WASF2: variants seen among roughly 807,000 people sequenced by gnomAD.
WASF2 encodes actin-binding protein WASF2.
A neutral mutation model predicts 45.0 loss-of-function variants in WASF2; 14 were observed. The ratio of observed to expected loss-of-function variants is 0.31; its 90% CI spans 0.21 to 0.49. WASF2 has a LOEUF of 0.49. WASF2 is among the 20% of genes least tolerant of loss of function. The probability of loss-of-function intolerance (pLI) is 0.99; values close to 1 mark genes in which losing one functional copy is unlikely to be tolerated. For missense variants in WASF2, 439 were observed against 636.1 expected (o/e 0.69, Z 3.33); for synonymous variants, 200 against 236.3 (o/e 0.85, Z 1.41).
intron 1 of WASF2, among the ~76,000 whole-genome samples, chr1:27,480,214 C>G (rs1405847853): frequency 2.0e-5 from 3 of 152,106 alleles, no homozygotes; most frequent in Non-Finnish European, 4.4e-5. Flanking sequence ...TAAGAGCAAA[C>G]TTTTTAAACT....
intron 1 of WASF2, among the ~76,000 whole-genome samples, chr1:27,441,611 G>A (rs145426538): frequency 0.031 from 4,690 of 152,106 alleles, 89 homozygotes; most frequent in Non-Finnish European, 0.048. Flanking sequence ...AAAATTAGCC[G>A]GGCGTGGTGG....
chr1:27,417,236 T>C (rs1163834522), intron 4 of WASF2, among the ~76,000 whole-genome samples: 1 of 152,212 alleles, frequency 6.6e-6, no homozygotes, highest in African/African-American at 2.4e-5. Flanking sequence ...ATATTATCAG[T>C]TGTATGACCC....
In WASF2 at chr1:27,466,329, T is replaced by C. The variant is rs553602724; in HGVS notation, c.-44+23657A>G. Reference sequence around the variant, plus strand: ...ATGAAATCATGGATCTAGGTAATCATCATCCATGACCACGTACAACAGAAA... The same window carrying C: ...ATGAAATCATGGATCTAGGTAATCACCATCCATGACCACGTACAACAGAAA... On this transcript the variant is annotated intron_variant, in intron 1 of 8. Transcript: ENST00000618852. 5.9e-5 allele frequency among the ~76,000 whole-genome samples: 9 copies of C among 152,322 alleles called. No homozygotes were observed. The East Asian group carries it at 1.7e-3, about 29-fold the overall frequency.
intron 3 of WASF2, 146 bp from the exon 4 acceptor site, chr1:27,418,568 G>GGAGGGAA: frequency 8.7e-7 from 1 of 1,146,012 alleles, no homozygotes; most frequent in Non-Finnish European, 1.2e-6. Context: ...CCCCTCTGGG[G>GGAGGGAA]AAGCCCCACA....
Position 27,487,950 on chromosome 1 carries a change from C to G in WASF2, c.-44+2036G>C, listed in dbSNP as rs557350919. On this transcript the variant is annotated intron_variant, in intron 1 of 8. Transcript: ENST00000618852. ...AAAATTATTTCATTCTAGAAGAAAA[C>G]TGAACAAATTACAATTGACTTTTTC... Among the ~76,000 whole-genome samples the G allele has an allele frequency of 1.1e-3, 164 of 151,318 alleles. 1 individual carries two copies. Among genetic ancestry groups the G allele is most frequent in the Non-Finnish European group, 1.9e-3 (132 of 67,946 alleles).
chr1:27,486,342 T>C (rs1243364022), intron 1 of WASF2, among the ~76,000 whole-genome samples: 1 of 152,182 alleles, frequency 6.6e-6, no homozygotes, highest in South Asian at 2.1e-4. Flanking sequence ...ACTTTTTTTT[T>C]GGTGCCAAGG....
chr1:27,427,681 C>T (rs2148111326), intron 2 of WASF2, among the ~76,000 whole-genome samples: 1 of 152,306 alleles, frequency 6.6e-6, no homozygotes, highest in Non-Finnish European at 1.5e-5. Flanking sequence ...TCATAGAGTT[C>T]TGTCTCCTCA....
rs538415888 is a variant in WASF2 at position 27,489,045 on chromosome 1, GC to G, written c.-44+940del. On this transcript the variant is annotated intron_variant, in intron 1 of 8. Coordinates refer to ENST00000618852, the MANE Select transcript of WASF2 (RefSeq NM_006990.5). ...ATTCTGGACCTAAATTCCAATCAGA[GC>G]CCCAAGGGGCTCCAAGGAGTCCTTC... Among the ~76,000 whole-genome samples, 226 of 152,010 alleles carry G rather than the reference GC, an allele frequency of 1.5e-3. 1 individual carries two copies. The highest frequency in any genetic ancestry group is 5.0e-3 in the African/African-American group (207 of 41,440).
intron 1 of WASF2, among the ~76,000 whole-genome samples, chr1:27,461,393 G>A (rs1411245712): frequency 6.6e-6 from 1 of 151,362 alleles, no homozygotes; most frequent in African/African-American, 2.4e-5. Context: ...AGGCTGGAGT[G>A]CAGTGGCGCT....
At chr1:27,419,606 C>A (rs1310734625) in intron 2 of WASF2, among the ~76,000 whole-genome samples, 3 of 152,158 alleles carry the variant, frequency 2.0e-5, no homozygotes, top group African/African-American at 7.2e-5. Context: ...CGGAGCGAGA[C>A]TCCAAATAAA....
chr1:27,432,592 G>A, intron 1 of WASF2, among the ~76,000 whole-genome samples: 1 of 121,944 alleles, frequency 8.2e-6, no homozygotes, highest in Non-Finnish European at 1.6e-5. Context: ...AGCTTGCAGT[G>A]AGCCAAGATC....
chr1:27,419,118 G>C (rs780095227), intron 2 of WASF2, 30 bp from the exon 3 acceptor site: 1 of 1,609,004 alleles, frequency 6.2e-7, no homozygotes, highest in South Asian at 1.1e-5. Context: ...CAAGTCACTA[G>C]TGCATAGAAG....
In WASF2 at chr1:27,487,432, AAT is replaced by A. The variant is rs1553152822; in HGVS notation, c.-44+2552_-44+2553del. On this transcript the variant is annotated intron_variant, in intron 1 of 8. Coordinates refer to ENST00000618852, the MANE Select transcript of WASF2 (RefSeq NM_006990.5). ...ATATTTTATATAAATATATATATTT[AAT>A]ATATATACAAATATAAATATATATT... Among the ~76,000 whole-genome samples, 5 of 127,526 alleles carry A rather than the reference AAT, an allele frequency of 3.9e-5. No homozygotes were observed. The East Asian group carries it at 1.0e-3, about 26-fold the overall frequency. The allele number at this position is 127,526 out of a possible 152,430, so 83.7% of individuals were successfully genotyped here.
intron 1 of WASF2, among the ~76,000 whole-genome samples, chr1:27,469,279 C>T (rs902448784): frequency 9.9e-5 from 15 of 152,132 alleles, no homozygotes; most frequent in Non-Finnish European, 1.8e-4. Context: ...GAGTGTTGGG[C>T]ATGTAAGGCC....
intron 1 of WASF2, among the ~76,000 whole-genome samples, chr1:27,440,110 A>T (rs1291634655): frequency 6.6e-6 from 1 of 152,224 alleles, no homozygotes; most frequent in Non-Finnish European, 1.5e-5. Context: ...CTAATATGAT[A>T]AACAGAAGTC....
intron 1 of WASF2, among the ~76,000 whole-genome samples, chr1:27,487,427 T>C (rs1261760736): frequency 7.8e-6 from 1 of 128,216 alleles, no homozygotes; most frequent in East Asian, 2.0e-4. Context: ...TAAATATATA[T>C]ATTTAATATA....
At chr1:27,426,417 C>T (rs552640316) in intron 2 of WASF2, among the ~76,000 whole-genome samples, 6 of 152,030 alleles carry the variant, frequency 3.9e-5, no homozygotes, top group Non-Finnish European at 7.4e-5. Context: ...GCAGAGACAG[C>T]GAGTAAGGGA....
chr1:27,441,753 C>CAAAAAA (rs35347075), intron 1 of WASF2, among the ~76,000 whole-genome samples: 2 of 51,666 alleles, frequency 3.9e-5, no homozygotes, highest in Non-Finnish European at 6.5e-5. Flanking sequence ...GACTCCGTCT[C>CAAAAAA]AAAAAAAAAA....
rs940482970 is a variant in WASF2, at chr1:27,406,347, G to A, written c.*1842C>T. 6 of 152,584 alleles carry A rather than the reference G, an allele frequency of 3.9e-5. No homozygotes were observed. The highest frequency in any genetic ancestry group is 1.4e-4 in the African/African-American group (6 of 41,454). 9.5% of individuals were successfully genotyped at this position (152,584 alleles called of 1,614,324 possible). A position where few individuals can be genotyped will look rare whatever the true frequency, so the allele number is the denominator to read the frequency against. On this transcript the variant is annotated 3_prime_UTR_variant, in exon 9 of 9. Coordinates refer to ENST00000618852, the MANE Select transcript of WASF2 (RefSeq NM_006990.5). ...GCACACTTGGGAGTGGCCACAGCAA[G>A]ACGGCATGCTGTCCCCTACAGGCTC...
Sources: allele counts gnomAD v4.1 joint callset (sites outside exome capture counted in the v4.1 genomes callset), GRCh38; gene constraint gnomAD v4.1.1; transcripts MANE v1.5; gene names NCBI Gene and HGNC (gene_info 2026-07-23, HGNC 2026-07-21).